The following GOLM2 variants were observed in gnomAD, a reference collection of about 807,000 sequenced individuals.
GOLM2 encodes protein GOLM2.
A neutral mutation model predicts 55.9 loss-of-function variants in GOLM2; 26 were observed. That is an observed-to-expected ratio of 0.47 (90% confidence interval 0.34 to 0.65). The LOEUF (loss-of-function observed/expected upper bound fraction) is 0.65. Among genes scored for constraint, GOLM2 ranks in the 30% least tolerant of loss-of-function variants. The pLI is 0.01. For missense variants in GOLM2, 486 were observed against 531.8 expected (o/e 0.91, Z 0.85); for synonymous variants, 165 against 194.6 (o/e 0.85, Z 1.27).
At chr15:44,319,331 G>C (rs572912681) in intron 1 of GOLM2, among the ~76,000 whole-genome samples, 1 of 152,190 alleles carries the variant, frequency 6.6e-6, no homozygotes, top group Admixed American at 6.5e-5. Context: ...TCCCACCTCA[G>C]CCTCCCAAGT....
chr15:44,339,146 T>C (rs1000749437), intron 6 of GOLM2, among the ~76,000 whole-genome samples: 5 of 152,188 alleles, frequency 3.3e-5, no homozygotes, highest in African/African-American at 1.2e-4. Flanking sequence ...TTAGATCAAA[T>C]AAATGAAATA....
chr15:44,414,662 A>G lies in GOLM2; in HGVS notation c.*1256A>G, dbSNP rs1245410444. The stretch of plus-strand genomic sequence containing the variant: ...GATTAGACTTTTTCAGAAGTACTAA[A>G]TAAGGAATTTTAACAGGTTTTTATT... On this transcript the variant is annotated 3_prime_UTR_variant, in exon 10 of 10. Coordinates refer to ENST00000299957, the MANE Select transcript of GOLM2 (RefSeq NM_138423.4). The G allele has an allele frequency of 2.0e-5, 3 of 152,256 alleles. No homozygotes were observed. The highest frequency in any genetic ancestry group is 7.2e-5 in the African/African-American group (3 of 41,462). The allele number at this position is 152,256 out of a possible 1,614,324, so 9.4% of individuals were successfully genotyped here. A position where few individuals can be genotyped will look rare whatever the true frequency, so the allele number is the denominator to read the frequency against.
At chr15:44,344,132 C>T (rs753360072) in intron 6 of GOLM2, among the ~76,000 whole-genome samples, 3 of 151,372 alleles carry the variant, frequency 2.0e-5, no homozygotes, top group Non-Finnish European at 4.4e-5. Flanking sequence ...TGGTGGCACA[C>T]GCCTGTAGTC....
chr15:44,376,811 T>C (rs1242154798), intron 6 of GOLM2, among the ~76,000 whole-genome samples: 1 of 132,636 alleles, frequency 7.5e-6, no homozygotes, highest in Non-Finnish European at 1.6e-5. Context: ...ATAGTAGGTG[T>C]GGGGCTTATA....
chr15:44,347,875 C>T (rs2079135817), intron 6 of GOLM2, among the ~76,000 whole-genome samples: 1 of 152,184 alleles, frequency 6.6e-6, no homozygotes, highest in Non-Finnish European at 1.5e-5. Context: ...AGCTCAGCCA[C>T]AGGCATCTAG....
chr15:44,387,764 GA>G (rs879805357), intron 8 of GOLM2, among the ~76,000 whole-genome samples: 339 of 135,098 alleles, frequency 2.5e-3, no homozygotes, highest in Non-Finnish European at 2.3e-3. Flanking sequence ...CTCTCTCAAG[GA>G]AAAAAAAAAA....
At chr15:44,314,913 G>A (rs1487325802) in intron 1 of GOLM2, among the ~76,000 whole-genome samples, 1 of 152,204 alleles carries the variant, frequency 6.6e-6, no homozygotes, top group East Asian at 1.9e-4. Flanking sequence ...GATAATGCTT[G>A]TAAAGCACTT....
At chr15:44,303,724 C>T (rs529292726) in intron 1 of GOLM2, among the ~76,000 whole-genome samples, 2 of 151,428 alleles carry the variant, frequency 1.3e-5, no homozygotes, top group South Asian at 4.2e-4. Context: ...TGCCATCACA[C>T]CTGGCTAATT....
At chr15:44,334,287 T>G (rs551236174) in intron 4 of GOLM2, among the ~76,000 whole-genome samples, 1 of 152,216 alleles carries the variant, frequency 6.6e-6, no homozygotes, top group Non-Finnish European at 1.5e-5. Context: ...TCATTTCCTG[T>G]ACTTTAACTA....
At chr15:44,363,473 G>C (rs945639672) in intron 6 of GOLM2, among the ~76,000 whole-genome samples, 1 of 152,208 alleles carries the variant, frequency 6.6e-6, no homozygotes, top group Non-Finnish European at 1.5e-5. Flanking sequence ...TCAGAGAAAT[G>C]CAAATCAAAA....
intron 1 of GOLM2, among the ~76,000 whole-genome samples, chr15:44,290,667 G>A (rs1595608325): frequency 6.6e-6 from 1 of 152,148 alleles, no homozygotes; most frequent in East Asian, 1.9e-4. Context: ...TTAAAGTAAG[G>A]TCTTCCTACT....
intron 8 of GOLM2, among the ~76,000 whole-genome samples, chr15:44,386,940 C>T (rs912305589): frequency 2.6e-5 from 4 of 151,780 alleles, no homozygotes; most frequent in East Asian, 3.9e-4. Context: ...TTTGGGAGGC[C>T]GAGGCAGGCA....
chr15:44,385,682 G>T (rs1473916238), intron 8 of GOLM2, among the ~76,000 whole-genome samples: 1 of 152,034 alleles, frequency 6.6e-6, no homozygotes, highest in Non-Finnish European at 1.5e-5. Context: ...TAGTAGCTAT[G>T]GCTACAGGCA....
intron 1 of GOLM2, among the ~76,000 whole-genome samples, chr15:44,302,236 A>G (rs1363604537): frequency 7.3e-6 from 1 of 136,786 alleles, no homozygotes; most frequent in Admixed American, 7.6e-5. Context: ...CCTCTGTCTC[A>G]TGGGTTCAAG....
At chr15:44,389,210 A>C (rs1187858083) in intron 8 of GOLM2, among the ~76,000 whole-genome samples, 4 of 152,056 alleles carry the variant, frequency 2.6e-5, no homozygotes, top group African/African-American at 9.7e-5. Context: ...TCAAATCATT[A>C]TTTGTATCTA....
intron 9 of GOLM2, among the ~76,000 whole-genome samples, chr15:44,404,753 C>G (rs1344211540): frequency 3.9e-5 from 6 of 152,042 alleles, no homozygotes; most frequent in Admixed American, 6.6e-5. Context: ...ACCCACCCCC[C>G]ACAGTACTTT....
intron 1 of GOLM2, among the ~76,000 whole-genome samples, chr15:44,294,954 T>C (rs2141104749): frequency 6.6e-6 from 1 of 151,652 alleles, no homozygotes; most frequent in Middle Eastern, 3.4e-3. Flanking sequence ...TACTATAAGG[T>C]TATCTTTGGA....
At chr15:44,294,226 A>G (rs1441344635) in intron 1 of GOLM2, among the ~76,000 whole-genome samples, 1 of 152,114 alleles carries the variant, frequency 6.6e-6, no homozygotes, top group African/African-American at 2.4e-5. Flanking sequence ...CTCCAGCCCT[A>G]GAGTCAACCA....
chr15:44,404,587 ATT>A (rs2079585771), intron 9 of GOLM2, among the ~76,000 whole-genome samples: 1 of 150,116 alleles, frequency 6.7e-6, no homozygotes, highest in Non-Finnish European at 1.5e-5. Context: ...TGCTTTTGTG[ATT>A]TGTTTGGATT....
Sources: allele counts gnomAD v4.1 joint callset (sites outside exome capture counted in the v4.1 genomes callset), GRCh38; gene constraint gnomAD v4.1.1; transcripts MANE v1.5; gene names NCBI Gene and HGNC (gene_info 2026-07-23, HGNC 2026-07-21).